The following NRG3 variants were observed in gnomAD, a reference collection of about 807,000 sequenced individuals.
NRG3 encodes the protein neuregulin 3, also known as pro-neuregulin-3, membrane-bound isoform.
Under a neutral mutation model 66.9 loss-of-function variants are expected in NRG3, and 31 were observed. The ratio of observed to expected loss-of-function variants is 0.46; its 90% CI spans 0.35 to 0.63. NRG3 has a LOEUF of 0.63. NRG3 is among the 20% of genes least tolerant of loss of function. The probability of loss-of-function intolerance (pLI) is 0.00; values close to 1 mark genes in which losing one functional copy is unlikely to be tolerated. For missense variants in NRG3, 910 were observed against 878.9 expected (o/e 1.04, Z -0.45); for synonymous variants, 393 against 359.4 (o/e 1.09, Z -1.06).
chr10:81,919,528 C>G (rs1846050179), intron 1 of NRG3, among the ~76,000 whole-genome samples: 1 of 152,014 alleles, frequency 6.6e-6, no homozygotes, highest in Non-Finnish European at 1.5e-5. Context: ...TCATCATCAT[C>G]AAATATAATC....
chr10:82,437,054 C>T (rs1243546891), intron 2 of NRG3, among the ~76,000 whole-genome samples: 6 of 152,050 alleles, frequency 3.9e-5, no homozygotes, highest in African/African-American at 9.7e-5. Flanking sequence ...GTGGTGTTCT[C>T]TGTATTTCCT....
intron 1 of NRG3, among the ~76,000 whole-genome samples, chr10:82,037,210 C>G (rs980251322): frequency 6.6e-6 from 1 of 152,160 alleles, no homozygotes; most frequent in South Asian, 2.1e-4. Flanking sequence ...CTGGCAGATC[C>G]TGGCTGCACT....
chr10:82,544,420 A>G (rs574487019), intron 2 of NRG3, among the ~76,000 whole-genome samples: 10 of 152,074 alleles, frequency 6.6e-5, no homozygotes, highest in Non-Finnish European at 1.3e-4. Flanking sequence ...ATTGTCCTCA[A>G]TCCATTTCCC....
chr10:82,328,089 G>A (rs568249209), intron 1 of NRG3, among the ~76,000 whole-genome samples: 5 of 152,262 alleles, frequency 3.3e-5, no homozygotes, highest in East Asian at 3.9e-4. Flanking sequence ...TTGTGGGGGG[G>A]CACAATTTCA....
intron 7 of NRG3, among the ~76,000 whole-genome samples, chr10:82,976,907 G>T (rs760105473): frequency 2.3e-4 from 35 of 152,138 alleles, no homozygotes; most frequent in Non-Finnish European, 4.1e-4. Context: ...TTAAGTCAGA[G>T]GGATAATAAC....
At chr10:82,494,029 C>G (rs1564987951) in intron 2 of NRG3, among the ~76,000 whole-genome samples, 1 of 152,116 alleles carries the variant, frequency 6.6e-6, no homozygotes, top group Non-Finnish European at 1.5e-5. Flanking sequence ...CAAATCAAAA[C>G]CACAATGAAA....
intron 1 of NRG3, among the ~76,000 whole-genome samples, chr10:82,276,028 A>C (rs933667815): frequency 1.3e-5 from 2 of 152,050 alleles, no homozygotes; most frequent in Admixed American, 1.3e-4. Flanking sequence ...GAACATACTC[A>C]TACATACTGT....
chr10:81,921,460 A>G (rs1048199616), intron 1 of NRG3, among the ~76,000 whole-genome samples: 1 of 152,114 alleles, frequency 6.6e-6, no homozygotes, highest in Non-Finnish European at 1.5e-5. Context: ...ATTTTTCCCC[A>G]AGTCAAACCT....
intron 1 of NRG3, 89 bp from the exon 2 acceptor site, chr10:82,358,650 C>T (rs1238230352): frequency 6.3e-6 from 10 of 1,575,518 alleles, no homozygotes; most frequent in Non-Finnish European, 7.8e-6. Flanking sequence ...ATGAGAAGGC[C>T]TCCATACAGA....
chr10:82,887,373 A>C (rs1189705647), intron 4 of NRG3, among the ~76,000 whole-genome samples: 1 of 152,238 alleles, frequency 6.6e-6, no homozygotes, highest in Non-Finnish European at 1.5e-5. Flanking sequence ...TTATCTAAAC[A>C]AAAAATATGG....
intron 1 of NRG3, among the ~76,000 whole-genome samples, chr10:82,304,772 T>G (rs1246326915): frequency 1.3e-5 from 2 of 152,120 alleles, no homozygotes; most frequent in African/African-American, 4.8e-5. Flanking sequence ...GATCAGTGAC[T>G]TTAATTACAT....
intron 3 of NRG3, chr10:82,859,076 A>G (rs901320772): frequency 2.0e-5 from 3 of 151,400 alleles, no homozygotes; most frequent in Non-Finnish European, 4.4e-5. Flanking sequence ...CCTCCCGAGT[A>G]GCTGGGACTA....
At chr10:82,707,416 A>G (rs1253397044) in intron 2 of NRG3, among the ~76,000 whole-genome samples, 2 of 151,466 alleles carry the variant, frequency 1.3e-5, no homozygotes, top group African/African-American at 2.4e-5. Context: ...GCTGGAGTGT[A>G]GTGGCACAAA....
chr10:82,374,645 G>A (rs1443341325), intron 2 of NRG3, among the ~76,000 whole-genome samples: 3 of 152,080 alleles, frequency 2.0e-5, no homozygotes, highest in Non-Finnish European at 2.9e-5. Context: ...TGGGGCCTGG[G>A]GTTCTATGTT....
At chr10:81,895,690 G>A (rs7923247) in intron 1 of NRG3, among the ~76,000 whole-genome samples, 9,151 of 152,170 alleles carry the variant, frequency 0.06, 588 homozygotes, top group East Asian at 0.19. Context: ...AGCAGTGGAT[G>A]TTAAGTCAGG....
intron 1 of NRG3, among the ~76,000 whole-genome samples, chr10:82,011,325 C>T (rs781292526): frequency 1.1e-4 from 17 of 152,092 alleles, no homozygotes; most frequent in Non-Finnish European, 2.2e-4. Flanking sequence ...TATGAGGACA[C>T]CCACGCAGCG....
At chr10:82,846,960 T>A (rs2063336084) in intron 3 of NRG3, among the ~76,000 whole-genome samples, 1 of 152,154 alleles carries the variant, frequency 6.6e-6, no homozygotes, top group Admixed American at 6.5e-5. Context: ...GAGTAAATTG[T>A]GGGTTTTGTT....
At chr10:82,117,646 C>T (rs74144156) in intron 1 of NRG3, among the ~76,000 whole-genome samples, 3,075 of 152,088 alleles carry the variant, frequency 0.02, 94 homozygotes, top group African/African-American at 0.07. Flanking sequence ...ACCCTTTTTA[C>T]CTGGCAGGGT....
At chr10:82,600,610 C>T (rs759448940) in intron 2 of NRG3, among the ~76,000 whole-genome samples, 14 of 152,014 alleles carry the variant, frequency 9.2e-5, no homozygotes, top group Non-Finnish European at 1.8e-4. Context: ...GCTGAGATTA[C>T]AGGCATGCAC....
Sources: allele counts gnomAD v4.1 joint callset (sites outside exome capture counted in the v4.1 genomes callset), GRCh38; gene constraint gnomAD v4.1.1; transcripts MANE v1.5; gene names NCBI Gene and HGNC (gene_info 2026-07-23, HGNC 2026-07-21).